The following FANCD2OS variants were observed in gnomAD, a reference collection of about 807,000 sequenced individuals.
FANCD2OS encodes the protein FANCD2 opposite strand protein.
Under a neutral mutation model 13.2 loss-of-function variants are expected in FANCD2OS, and 11 were observed. The ratio of observed to expected loss-of-function variants is 0.83; its 90% CI spans 0.52 to 1.38. The LOEUF is 1.38. Ranked by LOEUF, FANCD2OS falls within the 40% of genes most tolerant of loss-of-function variation. The pLI is 0.00. For synonymous variants in FANCD2OS, 69 were observed against 84.5 expected, an observed-to-expected ratio of 0.82 and a Z score of 1.01; for missense variants, 217 against 213.9, an observed-to-expected ratio of 1.01 and a Z score of -0.09.
intron 1 of FANCD2OS, among the ~76,000 whole-genome samples, chr3:10,105,724 C>G (rs2125110724): frequency 7.6e-6 from 1 of 130,758 alleles, no homozygotes; most frequent in African/African-American, 2.8e-5. Flanking sequence ...GCACTCCAGC[C>G]TGGGTGAAAG....
downstream of FANCD2OS, among the ~76,000 whole-genome samples, chr3:10,098,035 A>T (rs1695082465): frequency 6.6e-6 from 1 of 152,116 alleles, no homozygotes; most frequent in African/African-American, 2.4e-5. Flanking sequence ...TGTTTATAAT[A>T]CTACTTTGGA....
At chr3:10,100,931 T>A (rs1695263317), downstream of FANCD2OS, among the ~76,000 whole-genome samples, 1 of 151,892 alleles carries the variant, frequency 6.6e-6, no homozygotes, top group Non-Finnish European at 1.5e-5. Context: ...TAGCCGGGCG[T>A]GGTGGCACAT....
downstream of FANCD2OS, chr3:10,101,376 T>G: frequency 1.9e-6 from 1 of 514,660 alleles, no homozygotes; most frequent in Non-Finnish European, 3.5e-6. Context: ...TTTTTGTTCC[T>G]CTTTTTTTTT....
At chr3:10,090,443 ATTTTTTTTTTTTTT>A (rs773716319) in intron 2 of FANCD2OS, 36 of 342,310 alleles carry the variant, frequency 1.1e-4, no homozygotes, top group Non-Finnish European at 1.5e-4. Flanking sequence ...GAAGTTGCTG[ATTTTTTTTTTTTTT>A]TTTTTTTTTT....
chr3:10,104,736 C>T lies in FANCD2OS; in HGVS notation c.39G>A (p.Leu13=), dbSNP rs752374206. 1.9e-6 allele frequency: 3 copies of T among 1,605,814 alleles called. No homozygotes were observed. Among genetic ancestry groups the T allele is most frequent in the South Asian group, 2.2e-5 (2 of 89,266 alleles). ...GYQLWSPWTP[L]DESFQWLRHT... ...GCCGCAGCCATTGGAAACTCTCATCCAGTGGGGTCCATGGTGACCAGAGCT... is the reference window on the plus strand; with the variant it reads ...GCCGCAGCCATTGGAAACTCTCATCTAGTGGGGTCCATGGTGACCAGAGCT... The change falls in exon 2 of 2, where the codon CTG becomes CTA. Residue 13 remains leucine, a synonymous_variant. Coordinates refer to ENST00000450660, the MANE Select transcript of FANCD2OS (RefSeq NM_001164839.2).
downstream of FANCD2OS, chr3:10,099,026 C>A: frequency 6.2e-7 from 1 of 1,610,654 alleles, no homozygotes; most frequent in South Asian, 1.1e-5. Context: ...CTGAGTATCT[C>A]GAGTTGTGGC....
intron 2 of FANCD2OS, among the ~76,000 whole-genome samples, chr3:10,085,476 C>T (rs886321856): frequency 1.7e-4 from 26 of 151,152 alleles, no homozygotes; most frequent in African/African-American, 6.3e-4. Flanking sequence ...ACTGCAGCCT[C>T]CACCTCCCGA....
rs187584264 is a variant in FANCD2OS, at chr3:10,091,327, C to T, written c.*44-9796G>A. ...AACTCATAGGCTCAAGCAATCCTCC[C>T]GCCTCAGCCTCCCAAAGTGCTGGGA... On this transcript the variant is annotated intron_variant, in intron 2 of 2. Transcript: ENST00000524279. Among the ~76,000 whole-genome samples the T allele has an allele frequency of 2.6e-5, 4 of 151,518 alleles. No homozygotes were observed. The East Asian group carries it at 7.8e-4, about 30-fold the overall frequency.
chr3:10,087,322 A>T (rs2125073560), intron 2 of FANCD2OS: 5 of 1,500,970 alleles, frequency 3.3e-6, no homozygotes, highest in Admixed American at 2.0e-5. Flanking sequence ...CTAATATCTC[A>T]CACTTACAAA....
At chr3:10,096,638 C>T (rs1694983316) in intron 2 of FANCD2OS, among the ~76,000 whole-genome samples, 2 of 152,070 alleles carry the variant, frequency 1.3e-5, no homozygotes, top group South Asian at 4.1e-4. Context: ...TACTCATGGG[C>T]CCTGGTCACA....
downstream of FANCD2OS, among the ~76,000 whole-genome samples, chr3:10,103,406 AAATAAT>A (rs948616428): frequency 2.0e-5 from 3 of 152,230 alleles, no homozygotes; most frequent in African/African-American, 7.2e-5. Context: ...CCATCTCAAA[AAATAAT>A]AATAATACAA....
At position 10,104,326 on chromosome 3, in the gene FANCD2OS, G is replaced by T. The variant is rs1267829678; in HGVS notation, c.449C>A (p.Thr150Asn). ...LKEPQIQMTV[T>N]MCKQMLRSIL... is the part of the protein sequence containing the mutation. Reference sequence around the variant, plus strand: ...AGAGCGCAGCATCTGTTTGCACATAGTGACTGTCATCTGAATCTGAGGCTC... The same window carrying T: ...AGAGCGCAGCATCTGTTTGCACATATTGACTGTCATCTGAATCTGAGGCTC... Residue 150 changes from threonine to asparagine, a missense_variant, in exon 2 of 2, where the codon ACT becomes AAT. Physicochemically the swap from Thr to Asn is moderately conservative, Grantham distance 65. Coordinates refer to ENST00000450660, the MANE Select transcript of FANCD2OS (RefSeq NM_001164839.2). The T allele has an allele frequency of 6.2e-7, 1 of 1,614,188 alleles. No individual in the cohort carries two copies. Among genetic ancestry groups the T allele is most frequent in the Admixed American group, 1.7e-5 (1 of 60,020 alleles).
intron 2 of FANCD2OS, chr3:10,093,404 C>T (rs1441885448): frequency 8.1e-7 from 1 of 1,229,602 alleles, no homozygotes; most frequent in Non-Finnish European, 1.2e-6. Flanking sequence ...AGATAAATTG[C>T]TCAATTTCTT....
chr3:10,092,427 A>C (rs1575856736), intron 2 of FANCD2OS, among the ~76,000 whole-genome samples: 1 of 132,034 alleles, frequency 7.6e-6, no homozygotes, highest in African/African-American at 3.7e-5. Flanking sequence ...TTTTCTCACT[A>C]GGCATTTTTT....
At chr3:10,100,785 T>C (rs921735748), downstream of FANCD2OS, among the ~76,000 whole-genome samples, 9 of 152,088 alleles carry the variant, frequency 5.9e-5, no homozygotes, top group African/African-American at 2.2e-4. Context: ...ATTATGCAAA[T>C]TGGGCCGGGC....
Position 10,104,271 on chromosome 3 carries a change from C to CTCCAGCACCT in FANCD2OS, c.503_504insAGGTGCTGGA (p.Cys169GlyfsTer40). 1 of 1,612,376 alleles carries CTCCAGCACCT rather than the reference C, an allele frequency of 6.2e-7. No homozygotes were observed. The highest frequency in any genetic ancestry group is 1.1e-5 in the South Asian group (1 of 90,812). On this transcript the variant is annotated frameshift_variant, in exon 2 of 2. Coordinates refer to ENST00000450660, the MANE Select transcript of FANCD2OS (RefSeq NM_001164839.2). LOFTEE classifies it high-confidence loss of function. ...TGGAGTGCTGCAAGGCAAAGGTGCA[C>CTCCAGCACCT]TTTTTGTAAGTTGCATACAGCAAGA... is the stretch of plus-strand genomic sequence containing the variant.
chr3:10,103,248 C>T (rs1695372183), downstream of FANCD2OS, among the ~76,000 whole-genome samples: 1 of 151,846 alleles, frequency 6.6e-6, no homozygotes, highest in South Asian at 2.1e-4. Flanking sequence ...ACTAAAAACA[C>T]AAAATTAGCT....
intron 2 of FANCD2OS, among the ~76,000 whole-genome samples, chr3:10,085,160 A>G (rs1404093456): frequency 6.6e-6 from 1 of 152,204 alleles, no homozygotes; most frequent in Non-Finnish European, 1.5e-5. Flanking sequence ...AGAAGACTAC[A>G]TATCTCTAAA....
In FANCD2OS at chr3:10,090,280, C is replaced by G. The variant is rs1390802107; in HGVS notation, c.*44-8749G>C. The G allele has an allele frequency of 2.5e-6, 4 of 1,606,132 alleles. No individual in the cohort carries two copies. The highest frequency in any genetic ancestry group is 3.4e-6 in the Non-Finnish European group (4 of 1,173,402). On this transcript the variant is annotated intron_variant, in intron 2 of 2. Transcript: ENST00000524279. ...TCATGGTGTGGGCACGCATGCTTTTCCCGTCTTCTAGGCATACTTTTGTTG... is the reference window on the plus strand; with the variant it reads ...TCATGGTGTGGGCACGCATGCTTTTGCCGTCTTCTAGGCATACTTTTGTTG...
Sources: allele counts gnomAD v4.1 joint callset (sites outside exome capture counted in the v4.1 genomes callset), GRCh38; gene constraint gnomAD v4.1.1; transcripts MANE v1.5; gene names NCBI Gene and HGNC (gene_info 2026-07-23, HGNC 2026-07-21).